DLK1: variants seen among roughly 807,000 people sequenced by gnomAD.
The protein encoded by DLK1 is protein delta homolog 1.
DLK1 carries 9 observed loss-of-function variants against 35.2 expected under a neutral mutation model. The ratio of observed to expected loss-of-function variants is 0.26; its 90% CI spans 0.15 to 0.45. The LOEUF (loss-of-function observed/expected upper bound fraction) is 0.45, where lower values mean the gene tolerates loss of function less well. DLK1 is among the 20% of genes least tolerant of loss of function. DLK1 has a pLI of 1.00. For synonymous variants in DLK1, 231 were observed against 228.4 expected, an observed-to-expected ratio of 1.01 and a Z score of -0.10; for missense variants, 522 against 528.5, an observed-to-expected ratio of 0.99 and a Z score of 0.12.
chr14:100,735,272 T>C lies in DLK1; in HGVS notation c.*376T>C, dbSNP rs2036559541. The C allele has an allele frequency of 5.4e-6, 1 of 186,722 alleles. No individual in the cohort carries two copies. The highest frequency in any genetic ancestry group is 1.6e-4 in the South Asian group (1 of 6,338). 11.6% of individuals were successfully genotyped at this position (186,722 alleles called of 1,614,324 possible). On this transcript the variant is annotated 3_prime_UTR_variant, in exon 5 of 5. Coordinates refer to ENST00000341267, the MANE Select transcript of DLK1 (RefSeq NM_003836.7). Reference sequence around the variant, plus strand: ...GGCCACATGGTCCTCGTGAAACCGTTACGAGTGCTGTACATGACCACCCAC... The same window carrying C: ...GGCCACATGGTCCTCGTGAAACCGTCACGAGTGCTGTACATGACCACCCAC...
In DLK1 at chr14:100,732,079, C is replaced by T. The variant is rs748155596; in HGVS notation, c.300C>T (p.Asn100=). The change falls in exon 4 of 5, where the codon AAC becomes AAT. Residue 100 remains asparagine, a synonymous_variant. Coordinates refer to ENST00000341267, the MANE Select transcript of DLK1 (RefSeq NM_003836.7). ...GCTCCTCGGCCCCCTGTGCCAACAA[C>T]AGGACCTGCGTGAGCCTGGACGATG... ...RACSSAPCAN[N]RTCVSLDDGL... 6.8e-6 allele frequency: 11 copies of T among 1,613,728 alleles called. No individual in the cohort carries two copies. Among genetic ancestry groups the T allele is most frequent in the South Asian group, 3.3e-5 (3 of 91,038 alleles).
Position 100,734,228 on chromosome 14 carries a change from T to G in DLK1, c.484T>G (p.Phe162Val). 1.2e-6 allele frequency: 2 copies of G among 1,613,284 alleles called. No homozygotes were observed. The highest frequency in any genetic ancestry group is 1.7e-6 in the Non-Finnish European group (2 of 1,179,994). ...SHASCLCPPG[F>V]SGNFCEIVAN... Reference sequence around the variant, plus strand: ...TGCCTCCTGCCTGTGCCCCCCTGGCTTCTCAGGCAATTTCTGCGAGATCGT... The same window carrying G: ...TGCCTCCTGCCTGTGCCCCCCTGGCGTCTCAGGCAATTTCTGCGAGATCGT... The change falls in exon 5 of 5, where the codon TTC becomes GTC. Residue 162 changes from phenylalanine to valine, a missense_variant. Phe to Val is a conservative substitution (Grantham distance 50). Coordinates refer to ENST00000341267, the MANE Select transcript of DLK1 (RefSeq NM_003836.7). This position sits in a 1 kb window ranked among gnomAD's most constrained non-coding sequence, Gnocchi z 7.4.
intron 1 of DLK1, 120 bp downstream of exon 1, chr14:100,727,255 C>G (rs752755259): frequency 3.7e-4 from 397 of 1,065,958 alleles, no homozygotes; most frequent in Non-Finnish European, 4.8e-4. Context: ...CCCGCCTAGC[C>G]CTAAGCCCCG....
At chr14:100,729,253 G>T in intron 3 of DLK1, 187 bp downstream of exon 3, 3 of 1,052,760 alleles carry the variant, frequency 2.8e-6, no homozygotes, top group Non-Finnish European at 4.2e-6. Context: ...CAGAGGTAGG[G>T]ACTTTATTTT....
At chr14:100,731,992 C>G (rs749210040) in intron 3 of DLK1, 50 bp from the exon 4 acceptor site, 6 of 1,567,686 alleles carry the variant, frequency 3.8e-6, no homozygotes, top group Non-Finnish European at 5.2e-6. Context: ...CCGCATCACG[C>G]TCGTGTATGG....
intron 2 of DLK1, 59 bp from the exon 3 acceptor site, chr14:100,728,877 C>CA (rs1235243665): frequency 1.4e-5 from 22 of 1,588,428 alleles, no homozygotes; most frequent in Non-Finnish European, 1.8e-5. Context: ...GTAGCCTGAG[C>CA]TGCCTCTCTA....
chr14:100,730,442 G>T (rs540391366), intron 3 of DLK1, among the ~76,000 whole-genome samples: 1 of 152,314 alleles, frequency 6.6e-6, no homozygotes, highest in East Asian at 1.9e-4. Context: ...CTTGGGGATG[G>T]CCAGAGAGTC....
chr14:100,727,096 G>A lies in DLK1; in HGVS notation c.28G>A (p.Val10Ile). 6.3e-7 allele frequency: 1 copy of A among 1,593,010 alleles called. No homozygotes were observed. The highest frequency in any genetic ancestry group is 8.5e-7 in the Non-Finnish European group (1 of 1,170,830). The part of the protein sequence containing the change: MTATEALLR[V>I]LLLLLAFGHS... Reference sequence around the variant, plus strand: ...GACCGCGACCGAAGCCCTCCTGCGCGTCCTCTTGCTCCTGCTGGCTTTCGG... The same window carrying A: ...GACCGCGACCGAAGCCCTCCTGCGCATCCTCTTGCTCCTGCTGGCTTTCGG... Residue 10 changes from valine (V) to isoleucine (I), a missense_variant, in exon 1 of 5, where the codon GTC becomes ATC. Physicochemically the swap from Val to Ile is conservative, Grantham distance 29. Transcript: ENST00000341267.
intron 4 of DLK1, among the ~76,000 whole-genome samples, chr14:100,733,314 T>C (rs1343242687): frequency 1.3e-5 from 2 of 152,238 alleles, no homozygotes; most frequent in Non-Finnish European, 2.9e-5. Flanking sequence ...TTGTGTTTAC[T>C]GCCCCTTCTT....
intron 3 of DLK1, chr14:100,729,364 T>C: frequency 1.6e-6 from 1 of 623,800 alleles, no homozygotes; most frequent in Non-Finnish European, 2.9e-6. Flanking sequence ...CACATACAGC[T>C]GGGCCGGTGG....
chr14:100,729,863 C>A (rs1244659395), intron 3 of DLK1, among the ~76,000 whole-genome samples: 2 of 152,200 alleles, frequency 1.3e-5, no homozygotes, highest in Non-Finnish European at 2.9e-5. Context: ...GCCCCTGTCC[C>A]TCAGTCCCCA....
chr14:100,733,868 G>T (rs551434431), intron 4 of DLK1, among the ~76,000 whole-genome samples: 1 of 152,166 alleles, frequency 6.6e-6, no homozygotes, highest in Non-Finnish European at 1.5e-5. Flanking sequence ...ATGGGAGGTC[G>T]GGTGTGTCCC....
intron 2 of DLK1, 153 bp from the exon 3 acceptor site, chr14:100,728,783 C>G (rs2036470957): frequency 9.5e-7 from 1 of 1,057,012 alleles, no homozygotes; most frequent in South Asian, 1.5e-5. Context: ...TTAAGTTTTC[C>G]CATTCAGGTG....
chr14:100,734,932 T>A lies in DLK1; in HGVS notation c.*36T>A, dbSNP rs1162552005. Reference sequence around the variant, plus strand: ...CACAGCCCCCTCTAGATTCTTGGAGTTCCGCAGAGCTTACTATACGCGGTC... The same window carrying A: ...CACAGCCCCCTCTAGATTCTTGGAGATCCGCAGAGCTTACTATACGCGGTC... On this transcript the variant is annotated 3_prime_UTR_variant, in exon 5 of 5. Coordinates refer to ENST00000341267, the MANE Select transcript of DLK1 (RefSeq NM_003836.7). This position sits in a 1 kb window ranked among gnomAD's most constrained non-coding sequence, Gnocchi z 7.4. 7 of 1,534,388 alleles carry A rather than the reference T, an allele frequency of 4.6e-6. No individual in the cohort carries two copies. In the South Asian group the frequency reaches 7.5e-5, roughly 16 times the overall value.
chr14:100,733,606 A>C (rs1171326031), intron 4 of DLK1, among the ~76,000 whole-genome samples: 1 of 152,144 alleles, frequency 6.6e-6, no homozygotes, highest in Non-Finnish European at 1.5e-5. Flanking sequence ...GGTTGGCGGC[A>C]ACAGTGGACA....
chr14:100,734,067 CTT>C lies in DLK1; in HGVS notation c.405-81_405-80del, dbSNP rs1377522247. ...CCTGCCCCTTAGTCAGGCCAGGGAC[CTT>C]CTGCCCTGAGCCCCGTGCCCTGCAG... On this transcript the variant is annotated intron_variant, in intron 4 of 4. Coordinates refer to ENST00000341267, the MANE Select transcript of DLK1 (RefSeq NM_003836.7). The surrounding 1 kb of genome is among the most constrained non-coding windows in gnomAD (Gnocchi z 7.4). 2.0e-6 allele frequency: 3 copies of C among 1,494,496 alleles called. No individual in the cohort carries two copies. The African/African-American group carries it at 4.2e-5, about 21-fold the overall frequency. 92.6% of individuals were successfully genotyped at this position (1,494,496 alleles called of 1,614,324 possible). A position where few individuals can be genotyped will look rare whatever the true frequency, so the allele number is the denominator to read the frequency against.
At position 100,734,281 on chromosome 14, in the gene DLK1, C is replaced by T. The variant is rs143814604; in HGVS notation, c.537C>T (p.Cys179=). The part of the protein sequence containing the change: ...IVANSCTPNP[C]ENDGVCTDIG... Reference sequence around the variant, plus strand: ...CCAACAGCTGCACCCCCAACCCATGCGAGAACGACGGCGTCTGCACTGACA... The same window carrying T: ...CCAACAGCTGCACCCCCAACCCATGTGAGAACGACGGCGTCTGCACTGACA... Residue 179 remains cysteine (C), a synonymous_variant, in exon 5 of 5, where the codon TGC becomes TGT. Transcript: ENST00000341267. The surrounding 1 kb of genome is among the most constrained non-coding windows in gnomAD (Gnocchi z 7.4). 115 of 1,613,468 alleles carry T rather than the reference C, an allele frequency of 7.1e-5. No individual in the cohort carries two copies. In the African/African-American group the frequency reaches 1.1e-3, roughly 15 times the overall value.
chr14:100,727,189 C>T, intron 1 of DLK1, 54 bp downstream of exon 1: 1 of 1,484,950 alleles, frequency 6.7e-7, no homozygotes, highest in East Asian at 2.6e-5. Flanking sequence ...CTGCGACTCC[C>T]CGCCGGCCGC....
Position 100,727,152 on chromosome 14 carries a change from C to T in DLK1, c.67+17C>T, listed in dbSNP as rs773380341. 7.1e-6 allele frequency: 11 copies of T among 1,558,156 alleles called. No homozygotes were observed. The highest frequency in any genetic ancestry group is 1.4e-5 in the African/African-American group (1 of 71,694). ...GCACCTATGGTGAGTTCCCCGGCGG[C>T]CCGGCTCGCGCCCCCTCTGGGGAAG... is the stretch of plus-strand genomic sequence containing the variant. On this transcript the variant is annotated intron_variant, in intron 1 of 4. Transcript: ENST00000341267.
Sources: allele counts gnomAD v4.1 joint callset (sites outside exome capture counted in the v4.1 genomes callset), GRCh38; gene constraint gnomAD v4.1.1; non-coding constraint Gnocchi (gnomAD v3.1); transcripts MANE v1.5; gene names NCBI Gene and HGNC (gene_info 2026-07-23, HGNC 2026-07-21).